Variants in POU6F2 observed in about 807,000 individuals in gnomAD.
POU6F2 encodes the protein POU class 6 homeobox 2.
Under a neutral mutation model 71.3 loss-of-function variants are expected in POU6F2, and 31 were observed. That is an observed-to-expected ratio of 0.43 (90% confidence interval 0.33 to 0.59). The LOEUF (loss-of-function observed/expected upper bound fraction) is 0.59. Ranked by LOEUF, POU6F2 falls within the 20% of genes least tolerant of loss-of-function variation. The pLI is 0.04. For synonymous variants in POU6F2, 347 were observed against 355.7 expected, an observed-to-expected ratio of 0.98 and a Z score of 0.27; for missense variants, 783 against 856.8, an observed-to-expected ratio of 0.91 and a Z score of 1.07.
At chr7:39,078,577 T>C (rs960435750) in intron 1 of POU6F2, among the ~76,000 whole-genome samples, 3 of 152,188 alleles carry the variant, frequency 2.0e-5, no homozygotes, top group Admixed American at 2.0e-4. Flanking sequence ...ACGCCTGGAA[T>C]GTGGCTTTTG....
At chr7:38,991,303 C>A (rs1004859495) in intron 1 of POU6F2, among the ~76,000 whole-genome samples, 3 of 152,014 alleles carry the variant, frequency 2.0e-5, no homozygotes, top group Non-Finnish European at 4.4e-5. Context: ...ATAAATAAGA[C>A]CCTTTCTTTA....
intron 5 of POU6F2, among the ~76,000 whole-genome samples, chr7:39,382,953 T>G (rs918855455): frequency 6.6e-6 from 1 of 152,140 alleles, no homozygotes; most frequent in African/African-American, 2.4e-5. Flanking sequence ...GCACAAAAAA[T>G]TATTGGTGTG....
Position 39,348,836 on chromosome 7 carries a change from C to T in POU6F2, c.972+8821C>T, listed in dbSNP as rs112228967. 2.0e-3 allele frequency among the ~76,000 whole-genome samples: 298 copies of T among 152,218 alleles called. 2 individuals are homozygous for T. The highest frequency in any genetic ancestry group is 6.9e-3 in the African/African-American group (285 of 41,514). On this transcript the variant is annotated intron_variant, in intron 5 of 9. Coordinates refer to ENST00000518318, the MANE Select transcript of POU6F2 (RefSeq NM_001370959.1). ...GAAGTGCTGCATGCTATATCCTGTT[C>T]CTGTATATTTTGCAAAGATTATTTG...
intron 2 of POU6F2, among the ~76,000 whole-genome samples, chr7:39,143,078 G>A (rs1792538190): frequency 6.6e-6 from 1 of 152,098 alleles, no homozygotes; most frequent in Admixed American, 6.6e-5. Context: ...TTTTTCTGAA[G>A]AAAATCTCAA....
intron 4 of POU6F2, among the ~76,000 whole-genome samples, chr7:39,305,678 A>G (rs1324767093): frequency 1.3e-5 from 2 of 152,210 alleles, no homozygotes; most frequent in East Asian, 1.9e-4. Context: ...CTGCTGTGCA[A>G]TTCCAATGAG....
chr7:39,303,900 AATT>A (rs2128765353), intron 4 of POU6F2, among the ~76,000 whole-genome samples: 1 of 152,340 alleles, frequency 6.6e-6, no homozygotes, highest in East Asian at 1.9e-4. Flanking sequence ...TTCTTAACAA[AATT>A]ATTAACTTCA....
intron 2 of POU6F2, among the ~76,000 whole-genome samples, chr7:39,148,206 G>T (rs1022732449): frequency 6.6e-6 from 1 of 152,190 alleles, no homozygotes; most frequent in Non-Finnish European, 1.5e-5. Flanking sequence ...GCACTTTTCT[G>T]TAGACTGGTG....
chr7:39,430,211 C>G (rs1229399237), intron 6 of POU6F2, among the ~76,000 whole-genome samples: 1 of 152,192 alleles, frequency 6.6e-6, no homozygotes, highest in African/African-American at 2.4e-5. Context: ...TAATGCACTA[C>G]TGAGTTTTTG....
rs1562563048 is a variant in POU6F2 at position 39,464,721 on chromosome 7, CA to C, written c.*36del. 6 of 1,556,052 alleles carry C rather than the reference CA, an allele frequency of 3.9e-6. No homozygotes were observed. The highest frequency in any genetic ancestry group is 1.4e-5 in the African/African-American group (1 of 73,136). ...CACCCATAATCAGAAGCAAAATTCA[CA>C]GAAACTAAACTCCACCCTTGGGACT... On this transcript the variant is annotated 3_prime_UTR_variant, in exon 10 of 10. Coordinates refer to ENST00000518318, the MANE Select transcript of POU6F2 (RefSeq NM_001370959.1). This position sits in a 1 kb window ranked among gnomAD's most constrained non-coding sequence, Gnocchi z 4.1.
At chr7:39,195,980 C>A (rs1265741494) in intron 2 of POU6F2, among the ~76,000 whole-genome samples, 1 of 152,190 alleles carries the variant, frequency 6.6e-6, no homozygotes, top group African/African-American at 2.4e-5. Flanking sequence ...TATTTAACAG[C>A]TTTGGCCATT....
rs780815909 is a variant in POU6F2, at chr7:39,073,002, C to G, written c.106-12858C>G. On this transcript the variant is annotated intron_variant, in intron 1 of 9. Coordinates refer to ENST00000518318, the MANE Select transcript of POU6F2 (RefSeq NM_001370959.1). Reference sequence around the variant, plus strand: ...AGAAGATGCCGAATACAATTACTCTCTTCCCTTTGCTGATGTCTACTAGAT... The same window carrying G: ...AGAAGATGCCGAATACAATTACTCTGTTCCCTTTGCTGATGTCTACTAGAT... Among the ~76,000 whole-genome samples the G allele has an allele frequency of 3.3e-5, 5 of 152,194 alleles. No homozygotes were observed. In the South Asian group the frequency reaches 8.3e-4, roughly 25 times the overall value.
rs1491146903 is a variant in POU6F2 at position 39,030,543 on chromosome 7, T to TATATATAC, written c.105+52486_105+52487insTATATACA. Among the ~76,000 whole-genome samples, 157 of 87,944 alleles carry TATATATAC rather than the reference T, an allele frequency of 1.8e-3. 1 individual carries two copies. Among genetic ancestry groups the TATATATAC allele is most frequent in the African/African-American group, 2.8e-3 (70 of 25,434 alleles). 57.7% of individuals were successfully genotyped at this position (87,944 alleles called of 152,430 possible). On this transcript the variant is annotated intron_variant, in intron 1 of 9. Coordinates refer to ENST00000518318, the MANE Select transcript of POU6F2 (RefSeq NM_001370959.1). ...ATATATATATATATATATATATATA[T>TATATATAC]ACACACACATACATATATTCCATTG...
At chr7:39,084,748 T>C (rs1175055513) in intron 1 of POU6F2, among the ~76,000 whole-genome samples, 1 of 152,066 alleles carries the variant, frequency 6.6e-6, no homozygotes, top group Non-Finnish European at 1.5e-5. Flanking sequence ...CCGCAACCAA[T>C]GCAATGGTGG....
chr7:39,084,651 G>C (rs1372460095), intron 1 of POU6F2, among the ~76,000 whole-genome samples: 1 of 151,996 alleles, frequency 6.6e-6, no homozygotes, highest in Non-Finnish European at 1.5e-5. Context: ...TATTTGTATT[G>C]ATTAACATTT....
intron 2 of POU6F2, among the ~76,000 whole-genome samples, chr7:39,141,794 A>C (rs1200558479): frequency 6.6e-6 from 1 of 152,220 alleles, no homozygotes; most frequent in Non-Finnish European, 1.5e-5. Context: ...TATTAAAAAT[A>C]TTGTCACACC....
chr7:39,032,951 C>T (rs1035692705), intron 1 of POU6F2, among the ~76,000 whole-genome samples: 40 of 152,180 alleles, frequency 2.6e-4, no homozygotes, highest in African/African-American at 9.7e-4. Flanking sequence ...GACTCCCTAG[C>T]TGTGAAACAA....
intron 2 of POU6F2, among the ~76,000 whole-genome samples, chr7:39,188,868 T>C (rs1192114254): frequency 6.6e-6 from 1 of 152,232 alleles, no homozygotes; most frequent in Admixed American, 6.5e-5. Flanking sequence ...TCCAGAGAGA[T>C]GAAACTGTCA....
chr7:39,385,532 A>C (rs2115811166), intron 5 of POU6F2, among the ~76,000 whole-genome samples: 1 of 152,316 alleles, frequency 6.6e-6, no homozygotes, highest in African/African-American at 2.4e-5. Context: ...TCAGAGCATT[A>C]AGAACCCAAT....
rs969058756 is a variant in POU6F2 at position 38,997,929 on chromosome 7, C to T, written c.105+19871C>T. On this transcript the variant is annotated intron_variant, in intron 1 of 9. Transcript: ENST00000518318. ...ATTCAAAGAGATTAACTGATTTGTT[C>T]AAAGGCAGTGGCCAAACCTGGAAGA... Among the ~76,000 whole-genome samples the T allele has an allele frequency of 3.3e-5, 5 of 152,248 alleles. No homozygotes were observed. The East Asian group carries it at 9.7e-4, about 29-fold the overall frequency.
Sources: allele counts gnomAD v4.1 joint callset (sites outside exome capture counted in the v4.1 genomes callset), GRCh38; gene constraint gnomAD v4.1.1; non-coding constraint Gnocchi (gnomAD v3.1); transcripts MANE v1.5; gene names NCBI Gene and HGNC (gene_info 2026-07-23, HGNC 2026-07-21).